Variants in COL11A1 observed in about 807,000 individuals in gnomAD.
COL11A1 encodes the protein collagen alpha-1(XI) chain.
A neutral mutation model predicts 265.2 loss-of-function variants in COL11A1; 74 were observed. The observed-to-expected ratio is 0.28, with a 90% CI of 0.23 to 0.34. The LOEUF (loss-of-function observed/expected upper bound fraction) is 0.34. COL11A1 is among the 10% of genes least tolerant of loss of function. The pLI is 1.00. For missense variants in COL11A1, 2,165 were observed against 2,263.6 expected, an observed-to-expected ratio of 0.96 and a Z score of 0.88; for synonymous variants, 816 against 727.6, an observed-to-expected ratio of 1.12 and a Z score of -1.96.
intron 54 of COL11A1, among the ~76,000 whole-genome samples, chr1:102,906,970 C>G (rs1271907626): frequency 6.6e-6 from 1 of 152,090 alleles, no homozygotes; most frequent in African/African-American, 2.4e-5. Context: ...AGCAATTAAG[C>G]ATGCCAGTTT....
intron 4 of COL11A1, among the ~76,000 whole-genome samples, chr1:103,054,026 C>T (rs1558003910): frequency 6.6e-6 from 1 of 151,998 alleles, no homozygotes; most frequent in Non-Finnish European, 1.5e-5. Flanking sequence ...TGTGTGGTAT[C>T]CCCTGAGATT....
chr1:102,917,914 C>A (rs893799815), intron 49 of COL11A1, among the ~76,000 whole-genome samples: 1 of 151,384 alleles, frequency 6.6e-6, no homozygotes, highest in Non-Finnish European at 1.5e-5. Context: ...TATATGAAAA[C>A]TACCATTTAG....
At chr1:102,903,377 C>A (rs1303925450) in intron 54 of COL11A1, among the ~76,000 whole-genome samples, 1 of 152,024 alleles carries the variant, frequency 6.6e-6, no homozygotes, top group East Asian at 1.9e-4. Flanking sequence ...AAGATTCAAT[C>A]ACAGAAAAAA....
intron 10 of COL11A1, 36 bp downstream of exon 10, chr1:103,018,782 T>C: frequency 6.4e-7 from 1 of 1,561,668 alleles, no homozygotes; most frequent in Non-Finnish European, 8.8e-7. Flanking sequence ...ATGATTACTT[T>C]AAATAGACAA....
intron 50 of COL11A1, 82 bp from the exon 51 acceptor site, chr1:102,914,893 T>A: frequency 9.1e-7 from 1 of 1,095,098 alleles, no homozygotes; most frequent in South Asian, 1.4e-5. Context: ...TTATTAACCT[T>A]GGCACACTGG....
chr1:102,952,101 G>A (rs1213012696), intron 41 of COL11A1, among the ~76,000 whole-genome samples: 2 of 151,548 alleles, frequency 1.3e-5, no homozygotes, highest in Non-Finnish European at 2.9e-5. Context: ...TGTAGATACT[G>A]TATACTATTT....
Position 102,997,095 on chromosome 1 carries a change from T to C in COL11A1, c.2226A>G (p.Gly742=). 1 of 1,612,082 alleles carries C rather than the reference T, an allele frequency of 6.2e-7. No homozygotes were observed. Among genetic ancestry groups the C allele is most frequent in the Non-Finnish European group, 8.5e-7 (1 of 1,178,542 alleles). ...TGGAACCTACCAGAGCCCCCTTTTC[T>C]CCAGACTGGCCTTCTTTCCCAGGAT... ...PGHPGKEGQS[G]EKGALGPPGP... The change falls in exon 26 of 67, where the codon GGA becomes GGG. Residue 742 remains glycine, a synonymous_variant. Coordinates refer to ENST00000370096, the MANE Select transcript of COL11A1 (RefSeq NM_001854.4).
chr1:102,924,312 AG>A (rs1656333718), intron 46 of COL11A1, among the ~76,000 whole-genome samples: 1 of 152,228 alleles, frequency 6.6e-6, no homozygotes, highest in Non-Finnish European at 1.5e-5. Flanking sequence ...TACAGTATAA[AG>A]GAAGACAGAA....
At chr1:103,098,600 A>G (rs1571278596) in intron 1 of COL11A1, among the ~76,000 whole-genome samples, 2 of 151,808 alleles carry the variant, frequency 1.3e-5, no homozygotes, top group Non-Finnish European at 1.5e-5. Flanking sequence ...CTGGCTATCT[A>G]TTTTCCTCTA....
At chr1:102,901,111 G>A (rs897187850) in intron 54 of COL11A1, among the ~76,000 whole-genome samples, 4 of 152,036 alleles carry the variant, frequency 2.6e-5, no homozygotes, top group South Asian at 2.1e-4. Flanking sequence ...CCTCAGGCCA[G>A]GAGTTCGAGA....
intron 4 of COL11A1, among the ~76,000 whole-genome samples, chr1:103,037,941 A>G: frequency 6.6e-6 from 1 of 152,184 alleles, no homozygotes; most frequent in East Asian, 1.9e-4. Context: ...GTTCCATAAA[A>G]TCATCTAGAT....
At chr1:102,966,893 T>C (rs1661449112) in intron 37 of COL11A1, among the ~76,000 whole-genome samples, 1 of 152,198 alleles carries the variant, frequency 6.6e-6, no homozygotes. Context: ...AAATTTCCAG[T>C]TGTATATCAT....
intron 7 of COL11A1, 119 bp from the exon 8 acceptor site, chr1:103,023,115 G>A: frequency 9.8e-7 from 1 of 1,019,872 alleles, no homozygotes; most frequent in Non-Finnish European, 1.5e-6. Context: ...TACTACTCAA[G>A]CAACTCTAAA....
At chr1:102,932,010 G>C (rs949746022) in intron 46 of COL11A1, among the ~76,000 whole-genome samples, 4 of 150,094 alleles carry the variant, frequency 2.7e-5, no homozygotes, top group South Asian at 2.1e-4. Context: ...TGGGTTTCCT[G>C]AATACAGCAC....
intron 1 of COL11A1, among the ~76,000 whole-genome samples, chr1:103,102,526 G>A (rs560666951): frequency 6.6e-6 from 1 of 152,044 alleles, no homozygotes; most frequent in Non-Finnish European, 1.5e-5. Flanking sequence ...GGAAGTGAAG[G>A]AGTAAAAGCA....
intron 41 of COL11A1, among the ~76,000 whole-genome samples, chr1:102,953,604 G>C (rs1371873968): frequency 6.6e-6 from 1 of 152,156 alleles, no homozygotes; most frequent in Non-Finnish European, 1.5e-5. Context: ...ATAGATGTTA[G>C]AGGACTGTAA....
intron 4 of COL11A1, among the ~76,000 whole-genome samples, chr1:103,063,823 G>A (rs542010656): frequency 2.6e-5 from 4 of 152,250 alleles, no homozygotes; most frequent in African/African-American, 7.2e-5. Context: ...ATAAAGGACT[G>A]TTATCCAAAA....
intron 46 of COL11A1, among the ~76,000 whole-genome samples, chr1:102,924,831 A>T (rs1656406155): frequency 6.6e-6 from 1 of 151,658 alleles, no homozygotes; most frequent in African/African-American, 2.4e-5. Context: ...ACAACAAATA[A>T]AAAATACAAA....
chr1:103,032,229 A>T (rs1248300214), intron 4 of COL11A1, among the ~76,000 whole-genome samples: 1 of 152,138 alleles, frequency 6.6e-6, no homozygotes, highest in Non-Finnish European at 1.5e-5. Flanking sequence ...TCCATATTTA[A>T]TAACTTAAAA....
Sources: allele counts gnomAD v4.1 joint callset (sites outside exome capture counted in the v4.1 genomes callset), GRCh38; gene constraint gnomAD v4.1.1; transcripts MANE v1.5; gene names NCBI Gene and HGNC (gene_info 2026-07-23, HGNC 2026-07-21).